CD247: variants seen among roughly 807,000 people sequenced by gnomAD.
The protein encoded by CD247 is T-cell surface glycoprotein CD3 zeta chain.
Under a neutral mutation model 30.0 loss-of-function variants are expected in CD247, and 13 were observed. The observed-to-expected ratio is 0.43, with a 90% CI of 0.28 to 0.69. CD247 has a LOEUF of 0.69. Among genes scored for constraint, CD247 ranks in the 30% least tolerant of loss-of-function variants. The pLI is 0.16. For missense variants in CD247, 193 were observed against 212.6 expected (o/e 0.91, Z 0.57); for synonymous variants, 72 against 80.0 (o/e 0.90, Z 0.53).
At chr1:167,475,455 G>C (rs764024124) in intron 1 of CD247, among the ~76,000 whole-genome samples, 13 of 152,020 alleles carry the variant, frequency 8.6e-5, no homozygotes, top group Non-Finnish European at 1.9e-4. Flanking sequence ...AGTTAACAAG[G>C]GTAAGTTTCT....
chr1:167,434,940 C>A, intron 5 of CD247: 1 of 411,830 alleles, frequency 2.4e-6, no homozygotes, highest in Non-Finnish European at 4.8e-6. Context: ...GCCCTTCCTC[C>A]GGAGCCCTCC....
At chr1:167,440,422 G>A (rs1045466583) in intron 2 of CD247, 2 of 577,278 alleles carry the variant, frequency 3.5e-6, no homozygotes, top group African/African-American at 1.9e-5. Flanking sequence ...GCACACATTT[G>A]TACGGCTTGT....
intron 1 of CD247, among the ~76,000 whole-genome samples, chr1:167,496,217 AAGGT>A: frequency 1.3e-5 from 2 of 151,168 alleles, no homozygotes; most frequent in South Asian, 2.1e-4. Flanking sequence ...AGAAGGAAGG[AAGGT>A]AGGTAGGTAG....
At chr1:167,448,814 T>C (rs1652211344) in intron 1 of CD247, among the ~76,000 whole-genome samples, 1 of 152,110 alleles carries the variant, frequency 6.6e-6, no homozygotes, top group Non-Finnish European at 1.5e-5. Flanking sequence ...TGAGTTGAGA[T>C]AGCACCACTG....
intron 1 of CD247, among the ~76,000 whole-genome samples, chr1:167,462,016 A>G (rs1571547364): frequency 6.6e-6 from 1 of 152,272 alleles, no homozygotes; most frequent in South Asian, 2.1e-4. Context: ...TGGATTAAAG[A>G]TTGGTTCTGA....
intron 1 of CD247, among the ~76,000 whole-genome samples, chr1:167,456,669 T>C (rs1371525480): frequency 2.6e-5 from 4 of 152,174 alleles, no homozygotes; most frequent in African/African-American, 9.7e-5. Context: ...ACCTTCTGGG[T>C]TGGATGGGTC....
chr1:167,482,012 T>A (rs1430008548), intron 1 of CD247, among the ~76,000 whole-genome samples: 2 of 152,180 alleles, frequency 1.3e-5, no homozygotes, highest in Non-Finnish European at 2.9e-5. Flanking sequence ...CACTCCCTCT[T>A]CTGCCTCTCA....
In CD247 at chr1:167,480,056, A is replaced by G. The variant is rs531976336; in HGVS notation, c.58+38352T>C. Among the ~76,000 whole-genome samples, 5 of 152,292 alleles carry G rather than the reference A, an allele frequency of 3.3e-5. No homozygotes were observed. The South Asian group carries it at 8.3e-4, about 25-fold the overall frequency. On this transcript the variant is annotated intron_variant, in intron 1 of 7. Coordinates refer to ENST00000362089, the MANE Select transcript of CD247 (RefSeq NM_198053.3). Reference sequence around the variant, plus strand: ...CACTGTTACTCAATGGCCACTGCATATGGTCTGATGCCCCGTTCCAAAATA... The same window carrying G: ...CACTGTTACTCAATGGCCACTGCATGTGGTCTGATGCCCCGTTCCAAAATA...
chr1:167,510,756 G>C (rs139816796), intron 1 of CD247, among the ~76,000 whole-genome samples: 2 of 152,250 alleles, frequency 1.3e-5, no homozygotes, highest in East Asian at 3.9e-4. Context: ...AGCAAAAGAG[G>C]GGGGTAGGGG....
chr1:167,460,328 A>G (rs2102028936), intron 1 of CD247, among the ~76,000 whole-genome samples: 1 of 152,234 alleles, frequency 6.6e-6, no homozygotes, highest in South Asian at 2.1e-4. Flanking sequence ...CCTGAGCCCG[A>G]GGAGGTCCAG....
At chr1:167,497,476 C>T (rs1354825674) in intron 1 of CD247, among the ~76,000 whole-genome samples, 1 of 152,090 alleles carries the variant, frequency 6.6e-6, no homozygotes, top group Non-Finnish European at 1.5e-5. Flanking sequence ...GGTCCTCTTT[C>T]GCTTAGTTCT....
At position 167,441,803 on chromosome 1, in the gene CD247, T is replaced by C. The variant is rs1651843674; in HGVS notation, c.59-1036A>G. ...AAGAATGCAGATACACTAAATACTC[T>C]GGTTAAATAAAAGTTTGCATTTTTG... is the stretch of plus-strand genomic sequence containing the variant. On this transcript the variant is annotated intron_variant, in intron 1 of 7. Coordinates refer to ENST00000362089, the MANE Select transcript of CD247 (RefSeq NM_198053.3). Among the ~76,000 whole-genome samples the C allele has an allele frequency of 2.6e-5, 4 of 152,208 alleles. No individual in the cohort carries two copies. In the South Asian group the frequency reaches 8.3e-4, roughly 31 times the overall value.
intron 1 of CD247, among the ~76,000 whole-genome samples, chr1:167,483,315 C>A (rs1010240447): frequency 6.6e-6 from 1 of 151,824 alleles, no homozygotes; most frequent in Non-Finnish European, 1.5e-5. Context: ...GTGAGCTAAC[C>A]AATATGCTAA....
intron 1 of CD247, among the ~76,000 whole-genome samples, chr1:167,497,707 G>T (rs761733267): frequency 1.3e-5 from 2 of 152,154 alleles, no homozygotes; most frequent in Non-Finnish European, 2.9e-5. Flanking sequence ...AGCTAGAACC[G>T]CAAACTCTCC....
At chr1:167,480,463 G>T (rs998468688) in intron 1 of CD247, among the ~76,000 whole-genome samples, 9 of 152,074 alleles carry the variant, frequency 5.9e-5, no homozygotes, top group African/African-American at 2.2e-4. Context: ...CACCCCCAGA[G>T]CTCTCCTCCT....
intron 1 of CD247, among the ~76,000 whole-genome samples, chr1:167,492,809 G>A (rs2102081588): frequency 6.6e-6 from 1 of 152,308 alleles, no homozygotes; most frequent in Middle Eastern, 3.4e-3. Flanking sequence ...CCCCCAGAAG[G>A]TGTCAGCCTG....
chr1:167,460,202 G>A (rs1383075461), intron 1 of CD247, among the ~76,000 whole-genome samples: 1 of 151,994 alleles, frequency 6.6e-6, no homozygotes, highest in East Asian at 1.9e-4. Flanking sequence ...AGGGGTTTGA[G>A]ACTAGCCTGG....
intron 4 of CD247, among the ~76,000 whole-genome samples, chr1:167,438,187 C>G (rs1000528653): frequency 2.6e-5 from 4 of 152,184 alleles, no homozygotes; most frequent in African/African-American, 7.2e-5. Context: ...GGGACCATAC[C>G]CCGACCATAT....
At chr1:167,510,915 A>C (rs1655359497) in intron 1 of CD247, among the ~76,000 whole-genome samples, 1 of 152,128 alleles carries the variant, frequency 6.6e-6, no homozygotes, top group Non-Finnish European at 1.5e-5. Context: ...CCCTCCTCTC[A>C]GCCAGCTTTG....
Sources: gnomAD v4.1 joint callset for allele counts (sites outside exome capture counted in the v4.1 genomes callset) on GRCh38, gnomAD v4.1.1 for gene constraint, MANE v1.5 for transcripts, NCBI Gene and HGNC (gene_info 2026-07-23, HGNC 2026-07-21) for gene names.